The following DSCC1 variants were observed in gnomAD, a reference collection of about 807,000 sequenced individuals.
The protein encoded by DSCC1 is DNA replication and sister chromatid cohesion 1.
DSCC1 carries 32 observed loss-of-function variants against 48.2 expected under a neutral mutation model. The ratio of observed to expected loss-of-function variants is 0.66; its 90% CI spans 0.50 to 0.89. DSCC1 has a LOEUF of 0.89. Ranked by LOEUF, DSCC1 falls within the 40% of genes least tolerant of loss-of-function variation. DSCC1 has a pLI of 0.00. For missense variants in DSCC1, 421 were observed against 471.7 expected (o/e 0.89, Z 1.00); for synonymous variants, 150 against 171.5 (o/e 0.87, Z 0.98).
intron 5 of DSCC1, 151 bp downstream of exon 5, chr8:119,843,458 T>C (rs1826804929): frequency 8.5e-7 from 1 of 1,180,782 alleles, no homozygotes; most frequent in African/African-American, 1.6e-5. Context: ...TGACCAAAAT[T>C]CCCAAATCTT....
At chr8:119,848,795 A>C (rs941647565) in intron 3 of DSCC1, among the ~76,000 whole-genome samples, 4 of 152,228 alleles carry the variant, frequency 2.6e-5, no homozygotes, top group Non-Finnish European at 4.4e-5. Context: ...AACAAAAAGG[A>C]ATAAAACACT....
chr8:119,855,505 C>G, intron 1 of DSCC1, 109 bp downstream of exon 1: 2 of 1,390,018 alleles, frequency 1.4e-6, no homozygotes, highest in Non-Finnish European at 9.4e-7. Flanking sequence ...TATGAGCCCC[C>G]GGCCAGGTCA....
At chr8:119,836,651 T>G (rs1331713830) in intron 8 of DSCC1, among the ~76,000 whole-genome samples, 2 of 152,072 alleles carry the variant, frequency 1.3e-5, no homozygotes, top group Admixed American at 1.3e-4. Flanking sequence ...AAATTCCTAT[T>G]GGATATCCAA....
intron 2 of DSCC1, among the ~76,000 whole-genome samples, chr8:119,851,079 A>G (rs1826937381): frequency 6.6e-6 from 1 of 152,226 alleles, no homozygotes; most frequent in Non-Finnish European, 1.5e-5. Context: ...CCTACCACTC[A>G]AAATCCAGTT....
At chr8:119,847,120 ATTT>A (rs1188701379) in intron 3 of DSCC1, 40 bp from the exon 4 acceptor site, 1 of 1,562,416 alleles carries the variant, frequency 6.4e-7, no homozygotes, top group South Asian at 1.1e-5. Context: ...TTTGAAGAAT[ATTT>A]TGTTTTTAGA....
At chr8:119,847,856 G>A (rs1467856694) in intron 3 of DSCC1, among the ~76,000 whole-genome samples, 1 of 151,942 alleles carries the variant, frequency 6.6e-6, no homozygotes, top group Non-Finnish European at 1.5e-5. Context: ...GTTGAGGCAC[G>A]GTTTCTCCGT....
chr8:119,837,637 G>A (rs1313753024), intron 8 of DSCC1, among the ~76,000 whole-genome samples: 54 of 152,150 alleles, frequency 3.5e-4, no homozygotes, highest in Non-Finnish European at 1.5e-5. Context: ...CCACGTGTAG[G>A]CACAGGGTAA....
chr8:119,849,184 C>CA (rs550853227), intron 3 of DSCC1, among the ~76,000 whole-genome samples: 410 of 29,490 alleles, frequency 0.014, 43 homozygotes, highest in South Asian at 0.02. Context: ...GACTCCCTCT[C>CA]AAAAAAAAAA....
At chr8:119,836,912 G>A (rs964410163) in intron 8 of DSCC1, among the ~76,000 whole-genome samples, 3 of 152,098 alleles carry the variant, frequency 2.0e-5, no homozygotes, top group Admixed American at 2.0e-4. Flanking sequence ...CAAGGAAGAG[G>A]GGAGAAACTT....
chr8:119,841,210 T>G (rs1272661539), intron 7 of DSCC1, among the ~76,000 whole-genome samples: 1 of 152,118 alleles, frequency 6.6e-6, no homozygotes, highest in Non-Finnish European at 1.5e-5. Context: ...CAGGCTGGTC[T>G]TGAACTCCTG....
chr8:119,842,096 CAG>C, intron 6 of DSCC1, 148 bp from the exon 7 acceptor site: 2 of 854,070 alleles, frequency 2.3e-6, no homozygotes, highest in South Asian at 1.8e-5. Context: ...TTTTTTGAGA[CAG>C]AGTCTCGCTC....
At chr8:119,835,521 A>C (rs1826667808) in intron 8 of DSCC1, among the ~76,000 whole-genome samples, 1 of 152,018 alleles carries the variant, frequency 6.6e-6, no homozygotes, top group African/African-American at 2.4e-5. Context: ...AAACAAACAA[A>C]AAAAAAAGCA....
chr8:119,839,586 T>C (rs1826737666), intron 7 of DSCC1: 1 of 152,230 alleles, frequency 6.6e-6, no homozygotes, highest in East Asian at 1.9e-4. Context: ...TTGTTTATTG[T>C]CATAGTATTC....
Position 119,850,532 on chromosome 8 carries a change from A to G in DSCC1, c.352-16T>C. 6.5e-7 allele frequency: 1 copy of G among 1,548,176 alleles called. No individual in the cohort carries two copies. The highest frequency in any genetic ancestry group is 8.7e-7 in the Non-Finnish European group (1 of 1,154,068). On this transcript the variant is annotated splice_polypyrimidine_tract_variant and intron_variant, in intron 2 of 8. Transcript: ENST00000313655. ...AACCAAAGATCTAGAAATTATATATATCGTAACCTTTTAGGGGCCATTCTA... is the reference window on the plus strand; with the variant it reads ...AACCAAAGATCTAGAAATTATATATGTCGTAACCTTTTAGGGGCCATTCTA...
intron 7 of DSCC1, chr8:119,839,904 T>G (rs1455977637): frequency 6.6e-6 from 1 of 152,232 alleles, no homozygotes; most frequent in East Asian, 1.9e-4. Flanking sequence ...AAGTCATCCG[T>G]GATTGACCAG....
chr8:119,834,774 A>G lies in DSCC1; in HGVS notation c.*119T>C, dbSNP rs1344831314. 1 of 693,102 alleles carries G rather than the reference A, an allele frequency of 1.4e-6. No individual in the cohort carries two copies. Among genetic ancestry groups the G allele is most frequent in the Non-Finnish European group, 2.6e-6 (1 of 391,870 alleles). The allele number at this position is 693,102 out of a possible 1,614,324, so 42.9% of individuals were successfully genotyped here. ...TAGTTTCAAAATGCTTAAGATGAGG[A>G]GAAAAATGCCTTAGAAGACTAGGTT... On this transcript the variant is annotated 3_prime_UTR_variant, in exon 9 of 9. Transcript: ENST00000313655.
intron 7 of DSCC1, chr8:119,840,512 A>G (rs1228372703): frequency 6.6e-6 from 1 of 152,318 alleles, no homozygotes; most frequent in Non-Finnish European, 1.5e-5. Flanking sequence ...TGCAGTGAGC[A>G]GAAGGGAAGT....
At chr8:119,847,667 CTTTT>C (rs869072335) in intron 3 of DSCC1, among the ~76,000 whole-genome samples, 2 of 52,944 alleles carry the variant, frequency 3.8e-5, no homozygotes, top group South Asian at 1.2e-3. Context: ...TCTTCTTTTT[CTTTT>C]TTTTTTTTTT....
chr8:119,846,960 CATT>C, intron 4 of DSCC1, 27 bp downstream of exon 4: 2 of 1,599,728 alleles, frequency 1.3e-6, no homozygotes, highest in South Asian at 1.1e-5. Flanking sequence ...CCAATTTCAT[CATT>C]GTTAAAATAG....
Sources: gnomAD v4.1 joint callset for allele counts (sites outside exome capture counted in the v4.1 genomes callset) on GRCh38, gnomAD v4.1.1 for gene constraint, MANE v1.5 for transcripts, NCBI Gene and HGNC (gene_info 2026-07-23, HGNC 2026-07-21) for gene names.